Variants in MAPK1IP1L observed in about 807,000 individuals in gnomAD.
MAPK1IP1L encodes the protein mitogen-activated protein kinase 1 interacting protein 1 like, also known as MAPK-interacting and spindle-stabilizing protein-like.
A neutral mutation model predicts 18.1 loss-of-function variants in MAPK1IP1L; 10 were observed. The ratio of observed to expected loss-of-function variants is 0.55; its 90% CI spans 0.34 to 0.94. MAPK1IP1L has a LOEUF of 0.94. Ranked by LOEUF, MAPK1IP1L falls within the 40% of genes least tolerant of loss-of-function variation. MAPK1IP1L has a pLI of 0.02. For missense variants in MAPK1IP1L, 260 were observed against 318.2 expected (o/e 0.82, Z 1.39); for synonymous variants, 115 against 117.3 (o/e 0.98, Z 0.13).
In MAPK1IP1L at chr14:55,051,689, C is replaced by G. The variant is rs781563062; in HGVS notation, c.-119C>G. On this transcript the variant is annotated 5_prime_UTR_variant, in exon 1 of 4. Coordinates refer to ENST00000395468, the MANE Select transcript of MAPK1IP1L (RefSeq NM_144578.4). ...CAGGAGGAGCCGCGCGCTGCTGGTG[C>G]TGTTGCCGCCGCTGCTCTAGCTGCC... 1 of 516,050 alleles carries G rather than the reference C, an allele frequency of 1.9e-6. No individual in the cohort carries two copies. The highest frequency in any genetic ancestry group is 5.5e-5 in the East Asian group (1 of 18,250). The allele number at this position is 516,050 out of a possible 1,614,324, so 32.0% of individuals were successfully genotyped here.
At position 55,063,450 on chromosome 14, in the gene MAPK1IP1L, TTAAA is replaced by T. The variant is rs370114545; in HGVS notation, c.726+129_726+132del. The T allele has an allele frequency of 7.1e-5, 55 of 777,050 alleles. 1 individual carries two copies. Among genetic ancestry groups the T allele is most frequent in the East Asian group, 3.9e-4 (14 of 36,286 alleles). 48.1% of individuals were successfully genotyped at this position (777,050 alleles called of 1,614,324 possible). ...GTTTTTAAAAGAGGGTGTGTGTATA[TTAAA>T]TAAGTAAATTTCAAACCTTCAGGTA... On this transcript the variant is annotated intron_variant, in intron 3 of 3. Coordinates refer to ENST00000395468, the MANE Select transcript of MAPK1IP1L (RefSeq NM_144578.4).
intron 1 of MAPK1IP1L, among the ~76,000 whole-genome samples, chr14:55,052,126 C>A (rs1425533639): frequency 6.6e-6 from 1 of 150,546 alleles, no homozygotes; most frequent in Non-Finnish European, 1.5e-5. Flanking sequence ...GCCCCTCCCC[C>A]ACCCCTTCCC....
rs192497024 is a variant in MAPK1IP1L at position 55,066,312 on chromosome 14, T to G, written c.*1685T>G. ...TTCAGTGTTTAATCATCCCTTATGTTAACTAGATGATAGATTCAAGCTTTT... is the reference window on the plus strand; with the variant it reads ...TTCAGTGTTTAATCATCCCTTATGTGAACTAGATGATAGATTCAAGCTTTT... On this transcript the variant is annotated 3_prime_UTR_variant, in exon 4 of 4. Coordinates refer to ENST00000395468, the MANE Select transcript of MAPK1IP1L (RefSeq NM_144578.4). The G allele has an allele frequency of 6.6e-6, 1 of 152,340 alleles. No individual in the cohort carries two copies. The highest frequency in any genetic ancestry group is 2.4e-5 in the African/African-American group (1 of 41,576). The allele number at this position is 152,340 out of a possible 1,614,324, so 9.4% of individuals were successfully genotyped here. A position where few individuals can be genotyped will look rare whatever the true frequency, so the allele number is the denominator to read the frequency against.
chr14:55,056,984 C>G (rs1428329454), intron 1 of MAPK1IP1L, among the ~76,000 whole-genome samples: 2 of 152,176 alleles, frequency 1.3e-5, no homozygotes, highest in African/African-American at 4.8e-5. Flanking sequence ...GGAGAAAAAG[C>G]ATGAGATCAA....
In MAPK1IP1L at chr14:55,067,829, T is replaced by C. The variant is rs2042876853; in HGVS notation, c.*3202T>C. Reference sequence around the variant, plus strand: ...CTTGAGGGGGATACAGATTATAGAATATGCTGACATTTGGGCTTCAGAGGA... The same window carrying C: ...CTTGAGGGGGATACAGATTATAGAACATGCTGACATTTGGGCTTCAGAGGA... On this transcript the variant is annotated 3_prime_UTR_variant, in exon 4 of 4. Coordinates refer to ENST00000395468, the MANE Select transcript of MAPK1IP1L (RefSeq NM_144578.4). The C allele has an allele frequency of 6.6e-6, 1 of 152,240 alleles. No individual in the cohort carries two copies. Among genetic ancestry groups the C allele is most frequent in the Admixed American group, 6.5e-5 (1 of 15,282 alleles). The allele number at this position is 152,240 out of a possible 1,614,324, so 9.4% of individuals were successfully genotyped here.
At chr14:55,053,858 T>C (rs1424398441) in intron 1 of MAPK1IP1L, among the ~76,000 whole-genome samples, 3 of 152,352 alleles carry the variant, frequency 2.0e-5, no homozygotes, top group Admixed American at 6.5e-5. Context: ...ACACATTGTT[T>C]GGCATATATG....
chr14:55,067,677 A>T lies in MAPK1IP1L; in HGVS notation c.*3050A>T, dbSNP rs1360137596. 6.6e-6 allele frequency: 1 copy of T among 152,240 alleles called. No individual in the cohort carries two copies. The highest frequency in any genetic ancestry group is 2.4e-5 in the African/African-American group (1 of 41,462). 9.4% of individuals were successfully genotyped at this position (152,240 alleles called of 1,614,324 possible). A position where few individuals can be genotyped will look rare whatever the true frequency, so the allele number is the denominator to read the frequency against. ...CTCAGCCTCCCAAAGTGCTGAGATT[A>T]CAGGCGTGAGCCACCATGCGTGACC... On this transcript the variant is annotated 3_prime_UTR_variant, in exon 4 of 4. Transcript: ENST00000395468.
intron 1 of MAPK1IP1L, among the ~76,000 whole-genome samples, chr14:55,055,990 G>T (rs1241890756): frequency 1.3e-5 from 2 of 152,018 alleles, no homozygotes; most frequent in African/African-American, 4.8e-5. Flanking sequence ...TAATATGTTC[G>T]GACCTTAGGT....
In MAPK1IP1L at chr14:55,060,648, A is replaced by C. The variant is rs901563267; in HGVS notation, c.-4-1032A>C. On this transcript the variant is annotated intron_variant, in intron 1 of 3. Coordinates refer to ENST00000395468, the MANE Select transcript of MAPK1IP1L (RefSeq NM_144578.4). ...ATTAAGTCAAAAATTGACTGCCATG[A>C]GGCAAGGTAGTTGATTGGAAAAGAG... The C allele has an allele frequency of 2.6e-5, 4 of 152,340 alleles. No homozygotes were observed. In the East Asian group the frequency reaches 7.7e-4, roughly 29 times the overall value. 9.4% of individuals were successfully genotyped at this position (152,340 alleles called of 1,614,324 possible).
rs2140265644 is a variant in MAPK1IP1L, at chr14:55,069,645, A to G, written c.*5018A>G. The G allele has an allele frequency of 6.6e-6, 1 of 152,406 alleles. No homozygotes were observed. The highest frequency in any genetic ancestry group is 1.9e-4 in the East Asian group (1 of 5,188). The allele number at this position is 152,406 out of a possible 1,614,324, so 9.4% of individuals were successfully genotyped here. A position where few individuals can be genotyped will look rare whatever the true frequency, so the allele number is the denominator to read the frequency against. On this transcript the variant is annotated 3_prime_UTR_variant, in exon 4 of 4. Transcript: ENST00000395468. ...GTAAATTTGTTGTCAAAAAGGAAGA[A>G]AAAAGGGCCTGAGATACCTCTTTGC...
rs868589336 is a variant in MAPK1IP1L, at chr14:55,052,218, G to A, written c.-5+415G>A. Among the ~76,000 whole-genome samples, 49 of 150,360 alleles carry A rather than the reference G, an allele frequency of 3.3e-4. 1 individual carries two copies. The highest frequency in any genetic ancestry group is 1.2e-4 in the Non-Finnish European group (8 of 67,684). On this transcript the variant is annotated intron_variant, in intron 1 of 3. Coordinates refer to ENST00000395468, the MANE Select transcript of MAPK1IP1L (RefSeq NM_144578.4). ...GTTCGTGCGTCCCTAAACGGCTGCC[G>A]GCCTCGCGCCCCTTGGCCCCGATTT...
chr14:55,058,813 CAG>C (rs1179725981), intron 1 of MAPK1IP1L, among the ~76,000 whole-genome samples: 14 of 148,330 alleles, frequency 9.4e-5, no homozygotes, highest in African/African-American at 3.5e-4. Context: ...GCCTGGGCAA[CAG>C]AGTGAGACCC....
At chr14:55,054,431 C>T (rs1296538140) in intron 1 of MAPK1IP1L, among the ~76,000 whole-genome samples, 2 of 152,214 alleles carry the variant, frequency 1.3e-5, no homozygotes, top group South Asian at 4.1e-4. Flanking sequence ...GCTTGAGCCG[C>T]CGCACCCGGC....
chr14:55,060,818 T>C (rs1008653483), intron 1 of MAPK1IP1L: 7 of 152,096 alleles, frequency 4.6e-5, no homozygotes, highest in African/African-American at 1.7e-4. Flanking sequence ...TAAAAATTGG[T>C]AAAAGTACTC....
At position 55,063,106 on chromosome 14, in the gene MAPK1IP1L, A is replaced by G; in HGVS notation, c.507A>G (p.Pro169=). ...GQYPTPNMPY[P]SPGPYPAPPP... is the part of the protein sequence containing the mutation. ...ATCCTACCCCTAATATGCCATATCC[A>G]TCTCCAGGCCCATATCCCGCTCCTC... Residue 169 remains proline, a synonymous_variant, in exon 3 of 4, where the codon CCA becomes CCG. Coordinates refer to ENST00000395468, the MANE Select transcript of MAPK1IP1L (RefSeq NM_144578.4). The G allele has an allele frequency of 1.9e-6, 3 of 1,613,254 alleles. No homozygotes were observed. Among genetic ancestry groups the G allele is most frequent in the Non-Finnish European group, 2.5e-6 (3 of 1,179,950 alleles).
At chr14:55,059,880 G>A (rs1252625753) in intron 1 of MAPK1IP1L, among the ~76,000 whole-genome samples, 1 of 152,152 alleles carries the variant, frequency 6.6e-6, no homozygotes, top group African/African-American at 2.4e-5. Context: ...CAGCAGTATA[G>A]TGTAGTAAAG....
intron 1 of MAPK1IP1L, among the ~76,000 whole-genome samples, chr14:55,055,760 G>C (rs533260776): frequency 2.6e-5 from 4 of 152,152 alleles, no homozygotes; most frequent in Non-Finnish European, 4.4e-5. Context: ...GTGAAACCCC[G>C]TCTCTACCAA....
chr14:55,061,704 A>G lies in MAPK1IP1L; in HGVS notation c.18+3A>G. 6.4e-6 allele frequency: 10 copies of G among 1,568,636 alleles called. No individual in the cohort carries two copies. The highest frequency in any genetic ancestry group is 8.7e-6 in the Non-Finnish European group (10 of 1,151,698). ...GGAAAATGTCTGATGAATTTTCGGT[A>G]AGTTGATCAGTTTATCTGTGATAAG... On this transcript the variant is annotated splice_donor_region_variant and intron_variant, in intron 2 of 3. Transcript: ENST00000395468.
rs2042881306 is a variant in MAPK1IP1L at position 55,068,349 on chromosome 14, ACT to A, written c.*3726_*3727del. 1 of 152,630 alleles carries A rather than the reference ACT, an allele frequency of 6.6e-6. No homozygotes were observed. Among genetic ancestry groups the A allele is most frequent in the Admixed American group, 6.5e-5 (1 of 15,278 alleles). The allele number at this position is 152,630 out of a possible 1,614,324, so 9.5% of individuals were successfully genotyped here. Reference sequence around the variant, plus strand: ...ACAAATAATTAGTGCTACCTGGGGTACTCTCAAATATACAGCTTTTGAAACTG... The same window carrying A: ...ACAAATAATTAGTGCTACCTGGGGTACTCAAATATACAGCTTTTGAAACTG... On this transcript the variant is annotated 3_prime_UTR_variant, in exon 4 of 4. Coordinates refer to ENST00000395468, the MANE Select transcript of MAPK1IP1L (RefSeq NM_144578.4).
Sources: gnomAD v4.1 joint callset for allele counts (sites outside exome capture counted in the v4.1 genomes callset) on GRCh38, gnomAD v4.1.1 for gene constraint, MANE v1.5 for transcripts, NCBI Gene and HGNC (gene_info 2026-07-23, HGNC 2026-07-21) for gene names.